OXR1: variants seen among roughly 807,000 people sequenced by gnomAD.
The protein encoded by OXR1 is oxidation resistance 1.
In OXR1, 41 loss-of-function variants were observed where a neutral mutation model predicts 104.6. The ratio of observed to expected loss-of-function variants is 0.39; its 90% CI spans 0.31 to 0.51. The LOEUF (loss-of-function observed/expected upper bound fraction) is 0.51. Ranked by LOEUF, OXR1 falls within the 20% of genes least tolerant of loss-of-function variation. OXR1 has a pLI of 0.77. For missense variants in OXR1, 955 were observed against 1,031.9 expected (o/e 0.93, Z 1.02); for synonymous variants, 348 against 348.4 (o/e 1.00, Z 0.01).
chr8:106,715,095 C>T (rs1033321168), intron 11 of OXR1, among the ~76,000 whole-genome samples: 4 of 152,078 alleles, frequency 2.6e-5, no homozygotes, highest in Admixed American at 6.6e-5. Context: ...TGGATGAATA[C>T]ATTTTTGAAT....
rs181131159 is a variant in OXR1, at chr8:106,723,961, T to C, written c.1956+9976T>C. 2.1e-3 allele frequency among the ~76,000 whole-genome samples: 325 copies of C among 151,998 alleles called. 1 individual carries two copies. Among genetic ancestry groups the C allele is most frequent in the African/African-American group, 7.4e-3 (307 of 41,456 alleles). Reference sequence around the variant, plus strand: ...TGTGCCACCTCATCCAGCTAATTTTTTTTTTTTAGAGATAGAGTCTTGCTG... The same window carrying C: ...TGTGCCACCTCATCCAGCTAATTTTCTTTTTTTAGAGATAGAGTCTTGCTG... On this transcript the variant is annotated intron_variant, in intron 11 of 16. Coordinates refer to ENST00000517566, the MANE Select transcript of OXR1 (RefSeq NM_001198533.2).
chr8:106,710,816 G>A, intron 10 of OXR1, 26 bp downstream of exon 10: 5 of 1,341,126 alleles, frequency 3.7e-6, no homozygotes, highest in Non-Finnish European at 4.9e-6. Flanking sequence ...GACACCTTGA[G>A]AGCATTATTG....
intron 2 of OXR1, among the ~76,000 whole-genome samples, chr8:106,464,449 G>A (rs746387815): frequency 2.0e-5 from 3 of 151,912 alleles, no homozygotes; most frequent in Non-Finnish European, 2.9e-5. Context: ...CAATTTTTTG[G>A]CATTAAAAAA....
chr8:106,361,293 G>A (rs1239033310), intron 2 of OXR1, among the ~76,000 whole-genome samples: 1 of 152,154 alleles, frequency 6.6e-6, no homozygotes, highest in Admixed American at 6.5e-5. Context: ...TCATCTATGT[G>A]GAATTTGTAA....
chr8:106,540,537 CT>C (rs1180838490), intron 3 of OXR1, among the ~76,000 whole-genome samples: 8 of 152,282 alleles, frequency 5.3e-5, no homozygotes, highest in Admixed American at 5.2e-4. Flanking sequence ...CTTCTGTTTT[CT>C]TTTCCCTCTA....
At chr8:106,575,476 T>C (rs1817757803) in intron 3 of OXR1, among the ~76,000 whole-genome samples, 2 of 152,134 alleles carry the variant, frequency 1.3e-5, no homozygotes. Flanking sequence ...CTCCTATGGT[T>C]TCACATGTAC....
chr8:106,485,252 A>C (rs1810571889), intron 2 of OXR1, among the ~76,000 whole-genome samples: 1 of 152,102 alleles, frequency 6.6e-6, no homozygotes, highest in Non-Finnish European at 1.5e-5. Flanking sequence ...GATACACATC[A>C]CTATACATTC....
intron 6 of OXR1, among the ~76,000 whole-genome samples, chr8:106,691,619 C>CATATATATAT (rs35095319): frequency 6.3e-4 from 89 of 140,970 alleles, no homozygotes; most frequent in East Asian, 1.9e-3. Flanking sequence ...CATATATATA[C>CATATATATAT]ATATATATAT....
chr8:106,546,250 A>G (rs539476007), intron 3 of OXR1, among the ~76,000 whole-genome samples: 2 of 152,144 alleles, frequency 1.3e-5, no homozygotes, highest in Non-Finnish European at 2.9e-5. Context: ...GTAATTCCAC[A>G]TGGGGATATG....
chr8:106,697,318 G>T (rs62514962), intron 7 of OXR1: 18,431 of 860,858 alleles, frequency 0.021, 234 homozygotes, highest in East Asian at 0.03. Flanking sequence ...CCTGACAGAA[G>T]GGAGCTTAAG....
chr8:106,622,267 T>A (rs544354721), intron 3 of OXR1, among the ~76,000 whole-genome samples: 7 of 152,102 alleles, frequency 4.6e-5, no homozygotes, highest in Non-Finnish European at 1.0e-4. Flanking sequence ...ATCTTTTGAC[T>A]GCACTGTGCA....
intron 7 of OXR1, among the ~76,000 whole-genome samples, chr8:106,693,415 A>G (rs1175696730): frequency 3.4e-5 from 5 of 147,618 alleles, no homozygotes; most frequent in African/African-American, 7.5e-5. Context: ...ATTCAAACCT[A>G]GTCAGAATCT....
At chr8:106,655,041 A>C (rs543257383) in intron 3 of OXR1, among the ~76,000 whole-genome samples, 1 of 152,306 alleles carries the variant, frequency 6.6e-6, no homozygotes, top group Non-Finnish European at 1.5e-5. Flanking sequence ...TAAGTGAAAG[A>C]AGCCAGACCC....
intron 3 of OXR1, among the ~76,000 whole-genome samples, chr8:106,594,100 G>C (rs1819328659): frequency 6.6e-6 from 1 of 152,188 alleles, no homozygotes; most frequent in Non-Finnish European, 1.5e-5. Flanking sequence ...GAGGACTTTT[G>C]TTAAGATTGC....
chr8:106,419,281 C>G (rs1352159512), intron 2 of OXR1, among the ~76,000 whole-genome samples: 1 of 152,192 alleles, frequency 6.6e-6, no homozygotes, highest in African/African-American at 2.4e-5. Context: ...TGCCTCCTAA[C>G]ATTCTGGTGA....
At chr8:106,339,371 T>C (rs1040298113) in intron 1 of OXR1, among the ~76,000 whole-genome samples, 1 of 150,478 alleles carries the variant, frequency 6.6e-6, no homozygotes, top group Admixed American at 6.6e-5. Flanking sequence ...GGCGAGCACC[T>C]GTAGTCCCAG....
At chr8:106,398,505 A>C (rs181070786) in intron 2 of OXR1, among the ~76,000 whole-genome samples, 3 of 152,292 alleles carry the variant, frequency 2.0e-5, no homozygotes, top group Non-Finnish European at 2.9e-5. Flanking sequence ...GGAATGGGAA[A>C]TGAGTGAGTC....
At chr8:106,371,817 G>A (rs1469657974) in intron 2 of OXR1, among the ~76,000 whole-genome samples, 1 of 152,204 alleles carries the variant, frequency 6.6e-6, no homozygotes, top group African/African-American at 2.4e-5. Context: ...GAAACACTCT[G>A]GTGGCAGACT....
At position 106,559,169 on chromosome 8, in the gene OXR1, G is replaced by A. The variant is rs548421355; in HGVS notation, c.220+40030G>A. ...TATCCTCCACAAAACACTGGGACACGAACACAATTCAGCCAGGTTCTTTGT... is the reference window on the plus strand; with the variant it reads ...TATCCTCCACAAAACACTGGGACACAAACACAATTCAGCCAGGTTCTTTGT... On this transcript the variant is annotated intron_variant, in intron 3 of 16. Coordinates refer to ENST00000517566, the MANE Select transcript of OXR1 (RefSeq NM_001198533.2). Among the ~76,000 whole-genome samples, 18 of 152,234 alleles carry A rather than the reference G, an allele frequency of 1.2e-4. 1 individual carries two copies. The South Asian group carries it at 2.9e-3, about 25-fold the overall frequency.
Sources: gnomAD v4.1 joint callset for allele counts (sites outside exome capture counted in the v4.1 genomes callset) on GRCh38, gnomAD v4.1.1 for gene constraint, MANE v1.5 for transcripts, NCBI Gene and HGNC (gene_info 2026-07-23, HGNC 2026-07-21) for gene names.